HIVEP3: variants seen among roughly 807,000 people sequenced by gnomAD.
The protein encoded by HIVEP3 is HIVEP zinc finger 3.
HIVEP3 carries 49 observed loss-of-function variants against 152.8 expected under a neutral mutation model. That is an observed-to-expected ratio of 0.32 (90% CI 0.26 to 0.41). HIVEP3 has a LOEUF of 0.41. Ranked by LOEUF, HIVEP3 falls within the 10% of genes least tolerant of loss-of-function variation. HIVEP3 has a pLI of 1.00. For missense variants in HIVEP3, 2,790 were observed against 3,103.3 expected (o/e 0.90, Z 2.40); for synonymous variants, 1,269 against 1,289.0 (o/e 0.98, Z 0.33).
chr1:41,528,327 C>T, intron 5 of HIVEP3, among the ~76,000 whole-genome samples: 1 of 135,862 alleles, frequency 7.4e-6, no homozygotes, highest in African/African-American at 2.8e-5. Flanking sequence ...CTCCACACCC[C>T]CACACTCACA....
intron 1 of HIVEP3, among the ~76,000 whole-genome samples, chr1:41,991,583 G>T (rs1255332077): frequency 2.4e-4 from 36 of 148,504 alleles, no homozygotes; most frequent in Non-Finnish European, 4.2e-4. Context: ...GGAGGAACTG[G>T]TACCATTCCT....
At chr1:41,760,496 G>C (rs1303522270) in intron 1 of HIVEP3, among the ~76,000 whole-genome samples, 1 of 152,322 alleles carries the variant, frequency 6.6e-6, no homozygotes, top group East Asian at 1.9e-4. Flanking sequence ...ATGCCCTGCA[G>C]AGCTTACTTT....
intron 1 of HIVEP3, among the ~76,000 whole-genome samples, chr1:41,928,973 T>C (rs914530171): frequency 2.2e-4 from 33 of 152,136 alleles, no homozygotes; most frequent in African/African-American, 7.0e-4. Flanking sequence ...GTTAAGGTGG[T>C]ATCTGCCAGG....
intron 1 of HIVEP3, among the ~76,000 whole-genome samples, chr1:41,890,394 C>T (rs927786812): frequency 5.9e-5 from 9 of 152,102 alleles, no homozygotes; most frequent in Non-Finnish European, 7.4e-5. Context: ...CCAGGAAGGG[C>T]CTGATTCCTG....
At chr1:41,924,100 C>G (rs983356657) in intron 1 of HIVEP3, among the ~76,000 whole-genome samples, 11 of 152,004 alleles carry the variant, frequency 7.2e-5, no homozygotes, top group African/African-American at 2.7e-4. Flanking sequence ...CCAGGAGGGC[C>G]CTAAATGAAA....
chr1:41,888,934 T>C (rs1236940019), intron 1 of HIVEP3, among the ~76,000 whole-genome samples: 1 of 110,734 alleles, frequency 9.0e-6, no homozygotes, highest in Non-Finnish European at 1.9e-5. Context: ...ACATGCCACA[T>C]ACACACACAA....
At chr1:41,968,752 A>C (rs746759855) in intron 1 of HIVEP3, among the ~76,000 whole-genome samples, 2 of 152,208 alleles carry the variant, frequency 1.3e-5, no homozygotes, top group Non-Finnish European at 2.9e-5. Context: ...TCAAATAGAA[A>C]CAGAGGAAGT....
intron 1 of HIVEP3, among the ~76,000 whole-genome samples, chr1:41,761,303 TGA>T (rs1398255818): frequency 2.6e-5 from 4 of 152,128 alleles, no homozygotes; most frequent in Admixed American, 6.5e-5. Flanking sequence ...CGTGAGTGTG[TGA>T]GTGTATGGTT....
At chr1:41,863,269 G>A (rs983450107) in intron 1 of HIVEP3, among the ~76,000 whole-genome samples, 10 of 152,174 alleles carry the variant, frequency 6.6e-5, no homozygotes, top group East Asian at 1.9e-4. Flanking sequence ...GTAATGTGAG[G>A]GCAGGAAAAA....
At chr1:41,519,782 C>A (rs633297) in intron 6 of HIVEP3, among the ~76,000 whole-genome samples, 65,450 of 151,918 alleles carry the variant, frequency 0.43, 14,669 homozygotes, top group Non-Finnish European at 0.48. Context: ...AAGGATGGAA[C>A]GCTAGATGAG....
At chr1:41,633,181 C>A (rs533309061) in intron 2 of HIVEP3, among the ~76,000 whole-genome samples, 2 of 152,278 alleles carry the variant, frequency 1.3e-5, no homozygotes, top group African/African-American at 4.8e-5. Context: ...AAACCGAGCC[C>A]ATTTATCTCC....
chr1:41,744,800 C>G (rs149279813), intron 1 of HIVEP3, among the ~76,000 whole-genome samples: 2,220 of 152,220 alleles, frequency 0.015, 24 homozygotes, highest in Non-Finnish European at 0.018. Context: ...TAACATATTA[C>G]ATTCCAACAC....
intron 1 of HIVEP3, among the ~76,000 whole-genome samples, chr1:41,833,276 T>C (rs924017246): frequency 6.6e-6 from 1 of 152,184 alleles, no homozygotes; most frequent in African/African-American, 2.4e-5. Context: ...TATTTTGTTC[T>C]TGACATTAAT....
At chr1:41,609,377 G>A (rs1644866565) in intron 3 of HIVEP3, among the ~76,000 whole-genome samples, 1 of 152,248 alleles carries the variant, frequency 6.6e-6, no homozygotes, top group African/African-American at 2.4e-5. Flanking sequence ...GGGCAGCCTA[G>A]TAGTTCATGG....
At chr1:41,813,016 C>G (rs1167457870) in intron 1 of HIVEP3, among the ~76,000 whole-genome samples, 1 of 152,138 alleles carries the variant, frequency 6.6e-6, no homozygotes, top group African/African-American at 2.4e-5. Flanking sequence ...CTGATCCAAC[C>G]ACTTCATTTC....
At chr1:41,834,848 T>A (rs962005599) in intron 1 of HIVEP3, among the ~76,000 whole-genome samples, 2 of 151,998 alleles carry the variant, frequency 1.3e-5, no homozygotes, top group Admixed American at 6.5e-5. Flanking sequence ...ATGCATGGCA[T>A]GAAAAGGCCT....
intron 1 of HIVEP3, among the ~76,000 whole-genome samples, chr1:42,031,060 A>G: frequency 6.6e-6 from 1 of 152,236 alleles, no homozygotes; most frequent in East Asian, 1.9e-4. Flanking sequence ...GCGCCCTCAA[A>G]GTGGAGACTG....
intron 1 of HIVEP3, among the ~76,000 whole-genome samples, chr1:41,958,182 C>T (rs1451084334): frequency 6.6e-6 from 1 of 152,214 alleles, no homozygotes; most frequent in Non-Finnish European, 1.5e-5. Context: ...GGCTGCAATA[C>T]AAGCAGCCTT....
rs185910738 is a variant in HIVEP3 at position 41,546,845 on chromosome 1, A to G, written c.5208-21935T>C. 7.7e-4 allele frequency among the ~76,000 whole-genome samples: 117 copies of G among 152,326 alleles called. 1 individual carries two copies. Among genetic ancestry groups the G allele is most frequent in the Non-Finnish European group, 1.9e-4 (13 of 68,032 alleles). ...GGCCTGGATGCAGTGTCACTTGCAA[A>G]TACTACTTAAAGCACGTGTAGTGCC... On this transcript the variant is annotated intron_variant, in intron 5 of 8. Coordinates refer to ENST00000372583, the MANE Select transcript of HIVEP3 (RefSeq NM_024503.5).
Sources: allele counts gnomAD v4.1 joint callset (sites outside exome capture counted in the v4.1 genomes callset), GRCh38; gene constraint gnomAD v4.1.1; transcripts MANE v1.5; gene names NCBI Gene and HGNC (gene_info 2026-07-23, HGNC 2026-07-21).